ITGA9: variants seen among roughly 807,000 people sequenced by gnomAD.
ITGA9 encodes the protein integrin subunit alpha 9.
Under a neutral mutation model 127.8 loss-of-function variants are expected in ITGA9, and 56 were observed. The ratio of observed to expected loss-of-function variants is 0.44; its 90% CI spans 0.35 to 0.55. The LOEUF (loss-of-function observed/expected upper bound fraction) is 0.55, where lower values mean the gene tolerates loss of function less well. ITGA9 is among the 20% of genes least tolerant of loss of function. ITGA9 has a pLI of 0.00. For missense variants in ITGA9, 1,196 were observed against 1,347.1 expected (o/e 0.89, Z 1.76); for synonymous variants, 508 against 514.5 (o/e 0.99, Z 0.17).
chr3:37,697,650 G>A (rs1027669174), intron 18 of ITGA9, among the ~76,000 whole-genome samples: 1 of 152,082 alleles, frequency 6.6e-6, no homozygotes, highest in Admixed American at 6.5e-5. Flanking sequence ...CCATGTCCCT[G>A]CAAAGGACAT....
intron 1 of ITGA9, among the ~76,000 whole-genome samples, chr3:37,464,115 G>A (rs71323622): frequency 7.7e-5 from 9 of 117,034 alleles, no homozygotes; most frequent in African/African-American, 3.4e-4. Flanking sequence ...CAGAAGGTGT[G>A]AGTGTGTGTG....
At chr3:37,574,822 G>A (rs201192271) in intron 15 of ITGA9, among the ~76,000 whole-genome samples, 1 of 152,260 alleles carries the variant, frequency 6.6e-6, no homozygotes, top group African/African-American at 2.4e-5. Context: ...AAGGTCTGAG[G>A]TCACACTGGG....
At chr3:37,794,429 C>T (rs562202384) in intron 26 of ITGA9, among the ~76,000 whole-genome samples, 15 of 152,208 alleles carry the variant, frequency 9.9e-5, no homozygotes, top group Non-Finnish European at 2.1e-4. Flanking sequence ...AGGAGTGACC[C>T]TTGGCTCTAA....
intron 16 of ITGA9, among the ~76,000 whole-genome samples, chr3:37,646,025 G>A (rs900293050): frequency 3.9e-5 from 6 of 152,124 alleles, no homozygotes; most frequent in African/African-American, 1.2e-4. Flanking sequence ...CAGCCCCAGC[G>A]TCCTTACTCT....
At chr3:37,804,443 G>A (rs1697270120) in intron 27 of ITGA9, among the ~76,000 whole-genome samples, 1 of 152,188 alleles carries the variant, frequency 6.6e-6, no homozygotes, top group Admixed American at 6.5e-5. Context: ...AGGTGGCCCA[G>A]GGTGCAGACC....
Position 37,616,559 on chromosome 3 carries a change from G to A in ITGA9, c.1690-12628G>A, listed in dbSNP as rs1266643626. 2.3e-4 allele frequency among the ~76,000 whole-genome samples: 35 copies of A among 152,190 alleles called. 1 individual carries two copies. Among genetic ancestry groups the A allele is most frequent in the Admixed American group, 2.3e-3 (35 of 15,282 alleles). ...CTCGTTGATCTGTCTAATGTTGACA[G>A]TGGGGTGTTAAAGTCTCCCATTATA... On this transcript the variant is annotated intron_variant, in intron 15 of 27. Coordinates refer to ENST00000264741, the MANE Select transcript of ITGA9 (RefSeq NM_002207.3).
At chr3:37,710,522 A>G (rs1370703758) in intron 18 of ITGA9, among the ~76,000 whole-genome samples, 1 of 152,218 alleles carries the variant, frequency 6.6e-6, no homozygotes, top group Non-Finnish European at 1.5e-5. Flanking sequence ...GCTGAACATG[A>G]CAGTTATCCT....
At chr3:37,789,604 CCA>C (rs1559599393) in intron 26 of ITGA9, among the ~76,000 whole-genome samples, 1 of 137,792 alleles carries the variant, frequency 7.3e-6, no homozygotes, top group Non-Finnish European at 1.6e-5. Flanking sequence ...CTAAAAAATA[CCA>C]AAAAAAAAAA....
chr3:37,741,866 G>T (rs777460012), intron 21 of ITGA9, 47 bp downstream of exon 21: 1 of 1,408,478 alleles, frequency 7.1e-7, no homozygotes. Flanking sequence ...GTGCCCTCCA[G>T]TGGAACACTG....
At position 37,806,605 on chromosome 3, in the gene ITGA9, A is replaced by T. The variant is rs1327245826; in HGVS notation, c.3009+2663A>T. On this transcript the variant is annotated intron_variant, in intron 27 of 27. Coordinates refer to ENST00000264741, the MANE Select transcript of ITGA9 (RefSeq NM_002207.3). The surrounding 1 kb of genome is among the most constrained non-coding windows in gnomAD (Gnocchi z 4.3). ...AAGCATGGTTGCAGGAGATGCTGTC[A>T]TGGGTGGGGAGAACCCTGAGGTCAC... is the stretch of plus-strand genomic sequence containing the variant. The T allele has an allele frequency of 6.6e-6, 1 of 152,336 alleles. No individual in the cohort carries two copies. The highest frequency in any genetic ancestry group is 1.9e-4 in the East Asian group (1 of 5,202). 9.4% of individuals were successfully genotyped at this position (152,336 alleles called of 1,614,324 possible). A position where few individuals can be genotyped will look rare whatever the true frequency, so the allele number is the denominator to read the frequency against.
intron 15 of ITGA9, among the ~76,000 whole-genome samples, chr3:37,612,301 G>A (rs1197730550): frequency 6.6e-6 from 1 of 152,112 alleles, no homozygotes; most frequent in African/African-American, 2.4e-5. Context: ...GAATTACAAA[G>A]AAATTCAGTT....
intron 24 of ITGA9, 70 bp from the exon 25 acceptor site, chr3:37,779,832 C>T: frequency 6.6e-7 from 1 of 1,517,480 alleles, no homozygotes; most frequent in Non-Finnish European, 9.1e-7. Flanking sequence ...GAGCCCACTA[C>T]TCTGTAAATT....
intron 13 of ITGA9, among the ~76,000 whole-genome samples, chr3:37,526,987 TAAAG>T (rs1451946796): frequency 2.0e-5 from 3 of 152,130 alleles, no homozygotes. Context: ...CTTGAATTAT[TAAAG>T]AGGCAGAAGA....
intron 22 of ITGA9, among the ~76,000 whole-genome samples, chr3:37,746,456 C>A (rs1490588939): frequency 6.6e-6 from 1 of 152,020 alleles, no homozygotes; most frequent in Non-Finnish European, 1.5e-5. Flanking sequence ...AAACAATGGC[C>A]AAAAATAATG....
chr3:37,466,217 T>C (rs1266744536), intron 1 of ITGA9, among the ~76,000 whole-genome samples: 1 of 152,020 alleles, frequency 6.6e-6, no homozygotes, highest in African/African-American at 2.4e-5. Context: ...GCATAGTGGC[T>C]CAGGCTTGTA....
chr3:37,465,933 G>A (rs1320622178), intron 1 of ITGA9, among the ~76,000 whole-genome samples: 1 of 152,138 alleles, frequency 6.6e-6, no homozygotes. Context: ...TAGGGCACGG[G>A]TGATGTATTT....
At chr3:37,707,809 A>G (rs187959124) in intron 18 of ITGA9, among the ~76,000 whole-genome samples, 10 of 152,280 alleles carry the variant, frequency 6.6e-5, no homozygotes, top group Admixed American at 3.9e-4. Context: ...ACTAAAAAGG[A>G]AGAATTGTCT....
chr3:37,555,061 T>G (rs990602462), intron 15 of ITGA9, among the ~76,000 whole-genome samples: 23 of 152,120 alleles, frequency 1.5e-4, no homozygotes, highest in Non-Finnish European at 3.4e-4. Context: ...CTGTGGACAC[T>G]CCAACACTAA....
At chr3:37,601,370 AAC>A (rs1301164827) in intron 15 of ITGA9, among the ~76,000 whole-genome samples, 1 of 152,232 alleles carries the variant, frequency 6.6e-6, no homozygotes, top group Non-Finnish European at 1.5e-5. Flanking sequence ...AGCTGCAAAG[AAC>A]ACAGAGGTCA....
Sources: allele counts gnomAD v4.1 joint callset (sites outside exome capture counted in the v4.1 genomes callset), GRCh38; gene constraint gnomAD v4.1.1; non-coding constraint Gnocchi (gnomAD v3.1); transcripts MANE v1.5; gene names NCBI Gene and HGNC (gene_info 2026-07-23, HGNC 2026-07-21).